Variants in IGF2BP2 observed in about 807,000 individuals in gnomAD.
IGF2BP2 encodes insulin like growth factor 2 mRNA binding protein 2.
A neutral mutation model predicts 75.8 loss-of-function variants in IGF2BP2; 17 were observed. That is an observed-to-expected ratio of 0.22 (90% CI 0.15 to 0.34). The LOEUF is 0.34. Among genes scored for constraint, IGF2BP2 ranks in the 10% least tolerant of loss-of-function variants. The pLI is 1.00. For synonymous variants in IGF2BP2, 288 were observed against 295.6 expected (o/e 0.97, Z 0.26); for missense variants, 516 against 772.4 (o/e 0.67, Z 3.93).
chr3:185,715,898 A>C (rs1725537543), intron 2 of IGF2BP2, among the ~76,000 whole-genome samples: 1 of 152,078 alleles, frequency 6.6e-6, no homozygotes, highest in African/African-American at 2.4e-5. Flanking sequence ...CACCTGCCTC[A>C]GCCTCCCAAA....
intron 2 of IGF2BP2, among the ~76,000 whole-genome samples, chr3:185,706,452 G>A (rs764508203): frequency 3.9e-5 from 6 of 152,154 alleles, no homozygotes; most frequent in Non-Finnish European, 8.8e-5. Flanking sequence ...AAGTCAGTGA[G>A]TCAACGGATC....
At chr3:185,691,923 G>C (rs923562681) in intron 5 of IGF2BP2, among the ~76,000 whole-genome samples, 2 of 152,038 alleles carry the variant, frequency 1.3e-5, no homozygotes, top group African/African-American at 4.8e-5. Flanking sequence ...TTTTTTTGTA[G>C]AGACTGGGTC....
intron 2 of IGF2BP2, among the ~76,000 whole-genome samples, chr3:185,805,601 A>G (rs1738913293): frequency 6.6e-6 from 1 of 152,108 alleles, no homozygotes; most frequent in Non-Finnish European, 1.5e-5. Context: ...AAAACTGAGA[A>G]AAAAATACAT....
chr3:185,807,764 G>A (rs1271560899), intron 2 of IGF2BP2, among the ~76,000 whole-genome samples: 1 of 152,168 alleles, frequency 6.6e-6, no homozygotes. Context: ...TATTCACTCT[G>A]GGGGAAGACT....
At chr3:185,770,005 C>T (rs1474890737) in intron 2 of IGF2BP2, among the ~76,000 whole-genome samples, 1 of 152,006 alleles carries the variant, frequency 6.6e-6, no homozygotes, top group Non-Finnish European at 1.5e-5. Flanking sequence ...CCACTGTATC[C>T]CTCTTCCCAA....
chr3:185,780,941 C>T (rs2149800461), intron 2 of IGF2BP2, among the ~76,000 whole-genome samples: 1 of 152,278 alleles, frequency 6.6e-6, no homozygotes, highest in Non-Finnish European at 1.5e-5. Flanking sequence ...AATTACACCA[C>T]ATTTGCCACA....
intron 2 of IGF2BP2, among the ~76,000 whole-genome samples, chr3:185,820,049 A>T (rs1449907099): frequency 6.6e-6 from 1 of 152,020 alleles, no homozygotes; most frequent in African/African-American, 2.4e-5. Flanking sequence ...TATTCACACC[A>T]TCTCAGTGAA....
At chr3:185,668,506 G>GATATATATAT (rs1221304712) in intron 10 of IGF2BP2, among the ~76,000 whole-genome samples, 35 of 127,996 alleles carry the variant, frequency 2.7e-4, no homozygotes, top group Non-Finnish European at 4.5e-4. Flanking sequence ...GAGAGAGAGA[G>GATATATATAT]AGATATATAT....
intron 2 of IGF2BP2, among the ~76,000 whole-genome samples, chr3:185,818,923 G>A (rs554629257): frequency 1.3e-5 from 2 of 151,980 alleles, no homozygotes; most frequent in East Asian, 3.9e-4. Flanking sequence ...CAAAAACCAT[G>A]TGTTTACTCA....
chr3:185,657,231 C>T lies in IGF2BP2; in HGVS notation c.1386+55G>A, dbSNP rs114320878. ...CCTGGGACTGAGAGGGAACAAGGGC[C>T]GTGGGATGAGAGGAGGTGGTAGAAG... On this transcript the variant is annotated intron_variant, in intron 12 of 15. Coordinates refer to ENST00000382199, the MANE Select transcript of IGF2BP2 (RefSeq NM_006548.6). 1.4e-3 allele frequency: 1,665 copies of T among 1,198,612 alleles called. 16 individuals are homozygous for T. In the African/African-American group the frequency reaches 0.021, roughly 15 times the overall value. 74.2% of individuals were successfully genotyped at this position (1,198,612 alleles called of 1,614,324 possible).
At chr3:185,821,061 T>TA (rs1215391795) in intron 2 of IGF2BP2, 13 of 1,535,220 alleles carry the variant, frequency 8.5e-6, no homozygotes, top group African/African-American at 2.7e-5. Flanking sequence ...CATGAGAACA[T>TA]ACAGCTGCTT....
chr3:185,646,509 T>TC (rs1713575168), intron 15 of IGF2BP2, among the ~76,000 whole-genome samples: 1 of 152,212 alleles, frequency 6.6e-6, no homozygotes, highest in South Asian at 2.1e-4. Flanking sequence ...TGCTGGCCTT[T>TC]CCCAATGAAA....
intron 7 of IGF2BP2, among the ~76,000 whole-genome samples, chr3:185,683,185 T>C (rs1207936989): frequency 6.6e-6 from 1 of 152,132 alleles, no homozygotes; most frequent in African/African-American, 2.4e-5. Flanking sequence ...AATAAGCCAG[T>C]CACAAAAGAA....
intron 12 of IGF2BP2, among the ~76,000 whole-genome samples, chr3:185,653,896 G>A (rs971103546): frequency 7.9e-5 from 12 of 152,196 alleles, no homozygotes; most frequent in Admixed American, 6.5e-4. Flanking sequence ...TACCCTCGGT[G>A]TTGCATTTGT....
chr3:185,657,714 T>C (rs1715687386), intron 11 of IGF2BP2, among the ~76,000 whole-genome samples: 1 of 152,210 alleles, frequency 6.6e-6, no homozygotes, highest in African/African-American at 2.4e-5. Flanking sequence ...GATCTGTATC[T>C]CTCCTGTGTC....
intron 11 of IGF2BP2, 119 bp downstream of exon 11, chr3:185,658,222 G>T: frequency 9.9e-7 from 1 of 1,014,742 alleles, no homozygotes; most frequent in Non-Finnish European, 1.5e-6. Flanking sequence ...TCACTCCCAG[G>T]ACAAACCAGA....
chr3:185,704,036 G>A (rs2037753751), intron 2 of IGF2BP2, among the ~76,000 whole-genome samples: 1 of 152,106 alleles, frequency 6.6e-6, no homozygotes, highest in Non-Finnish European at 1.5e-5. Context: ...GTAACTTTTG[G>A]GCAAGAGAGG....
chr3:185,753,941 C>T (rs1731275947), intron 2 of IGF2BP2, among the ~76,000 whole-genome samples: 1 of 152,132 alleles, frequency 6.6e-6, no homozygotes, highest in South Asian at 2.1e-4. Context: ...CAGTGGCTCA[C>T]ACCTGTAATC....
intron 13 of IGF2BP2, among the ~76,000 whole-genome samples, chr3:185,651,309 C>T (rs915332928): frequency 3.3e-5 from 5 of 152,210 alleles, no homozygotes; most frequent in African/African-American, 1.2e-4. Flanking sequence ...GGCTGAATAA[C>T]ATTCTGTTAA....
Sources: gnomAD v4.1 joint callset for allele counts (sites outside exome capture counted in the v4.1 genomes callset) on GRCh38, gnomAD v4.1.1 for gene constraint, MANE v1.5 for transcripts, NCBI Gene and HGNC (gene_info 2026-07-23, HGNC 2026-07-21) for gene names.